Variants in SIN3A observed in about 807,000 individuals in gnomAD.
The protein encoded by SIN3A is SIN3 transcription regulator family member A, also known as paired amphipathic helix protein Sin3a.
SIN3A carries 14 observed loss-of-function variants against 146.1 expected under a neutral mutation model. The observed-to-expected ratio is 0.10, with a 90% CI of 0.06 to 0.15. The LOEUF (loss-of-function observed/expected upper bound fraction) is 0.15. SIN3A is among the 10% of genes least tolerant of loss of function. SIN3A has a pLI of 1.00. For missense variants in SIN3A, 1,028 were observed against 1,576.0 expected (o/e 0.65, Z 5.89); for synonymous variants, 572 against 572.0 (o/e 1.00, Z 0.00).
At chr15:75,430,928 A>T (rs1461653841) in intron 1 of SIN3A, among the ~76,000 whole-genome samples, 1 of 152,028 alleles carries the variant, frequency 6.6e-6, no homozygotes, top group Non-Finnish European at 1.5e-5. Flanking sequence ...GGCACCCGCC[A>T]CCACACCCGG....
intron 1 of SIN3A, among the ~76,000 whole-genome samples, chr15:75,444,308 G>A (rs1217261740): frequency 1.3e-5 from 2 of 152,090 alleles, no homozygotes; most frequent in Non-Finnish European, 2.9e-5. Flanking sequence ...GGGTATGGTG[G>A]TACACACCTG....
At chr15:75,380,963 G>C in intron 18 of SIN3A, 1 of 347,018 alleles carries the variant, frequency 2.9e-6, no homozygotes, top group Non-Finnish European at 5.4e-6. Flanking sequence ...GTCATAAACA[G>C]GTAGAAGCTG....
intron 13 of SIN3A, among the ~76,000 whole-genome samples, chr15:75,395,287 T>C (rs1405160120): frequency 6.6e-6 from 1 of 152,180 alleles, no homozygotes; most frequent in Non-Finnish European, 1.5e-5. Context: ...AAAGTTCTGA[T>C]CAGAACTGAT....
At chr15:75,403,981 G>A (rs1193261564) in intron 9 of SIN3A, among the ~76,000 whole-genome samples, 1 of 152,078 alleles carries the variant, frequency 6.6e-6, no homozygotes, top group Non-Finnish European at 1.5e-5. Flanking sequence ...TTACAATATT[G>A]AGCATCTTAA....
intron 3 of SIN3A, chr15:75,415,854 G>GGA (rs765088910): frequency 5.2e-4 from 50 of 96,260 alleles, no homozygotes; most frequent in Admixed American, 7.9e-4. Context: ...TCGGTCTCAG[G>GGA]AAAAAAAAAA....
chr15:75,454,511 G>C (rs1398979734), upstream of SIN3A, among the ~76,000 whole-genome samples: 4 of 151,224 alleles, frequency 2.6e-5, no homozygotes, highest in East Asian at 7.8e-4. Context: ...TCCCGCCGGC[G>C]CCCCGCCTAC....
rs920266317 is a variant in SIN3A at position 75,378,559 on chromosome 15, C to T, written c.3383+2070G>A. On this transcript the variant is annotated intron_variant, in intron 19 of 20. Transcript: ENST00000394947. ...AGCCTGGGCAACAAGAGCGAAATTC[C>T]GTCTCAAAAAAGAAAAACAAAAACA... Among the ~76,000 whole-genome samples, 3 of 152,010 alleles carry T rather than the reference C, an allele frequency of 2.0e-5. No homozygotes were observed. The East Asian group carries it at 5.8e-4, about 29-fold the overall frequency.
chr15:75,398,430 C>T (rs2073343860), intron 12 of SIN3A, among the ~76,000 whole-genome samples: 1 of 152,160 alleles, frequency 6.6e-6, no homozygotes, highest in Admixed American at 6.5e-5. Context: ...AATCCCAGCA[C>T]TTTGGAAGGC....
chr15:75,402,025 T>C, intron 9 of SIN3A, 55 bp from the exon 10 acceptor site: 1 of 1,122,158 alleles, frequency 8.9e-7, no homozygotes, highest in Non-Finnish European at 1.4e-6. Flanking sequence ...AGTGGGGAAC[T>C]GAAAAGGGCC....
At chr15:75,418,429 G>A (rs950444623) in intron 3 of SIN3A, among the ~76,000 whole-genome samples, 4 of 151,982 alleles carry the variant, frequency 2.6e-5, no homozygotes, top group East Asian at 1.9e-4. Context: ...GAGTTCAAGC[G>A]ATTCTCGTGC....
intron 2 of SIN3A, among the ~76,000 whole-genome samples, chr15:75,424,223 G>A (rs2073887372): frequency 6.6e-6 from 1 of 151,898 alleles, no homozygotes; most frequent in South Asian, 2.1e-4. Flanking sequence ...ACCTGAGGTT[G>A]GGAGTTCTCG....
chr15:75,381,962 TGTCA>T (rs1377240449), intron 17 of SIN3A, among the ~76,000 whole-genome samples: 12 of 152,196 alleles, frequency 7.9e-5, no homozygotes, highest in African/African-American at 2.2e-4. Flanking sequence ...TAATAATCAA[TGTCA>T]GTAAGAATGT....
intron 12 of SIN3A, among the ~76,000 whole-genome samples, chr15:75,397,515 T>C (rs1383141293): frequency 6.6e-6 from 1 of 152,194 alleles, no homozygotes; most frequent in African/African-American, 2.4e-5. Flanking sequence ...AGCAATCCCT[T>C]GGCCTGAATC....
At chr15:75,373,764 AAAAAG>A (rs2072801581) in intron 20 of SIN3A, among the ~76,000 whole-genome samples, 1 of 151,914 alleles carries the variant, frequency 6.6e-6, no homozygotes, top group South Asian at 2.1e-4. Flanking sequence ...TAAAAAAAAA[AAAAAG>A]AAAGAAAAAA....
intron 19 of SIN3A, among the ~76,000 whole-genome samples, chr15:75,377,388 G>T (rs1017242804): frequency 9.2e-5 from 14 of 152,142 alleles, no homozygotes; most frequent in Non-Finnish European, 1.6e-4. Context: ...ACTCTGGGAG[G>T]CTGAGGCAGG....
At chr15:75,395,894 G>T (rs2073293296) in intron 13 of SIN3A, among the ~76,000 whole-genome samples, 1 of 152,146 alleles carries the variant, frequency 6.6e-6, no homozygotes, top group Non-Finnish European at 1.5e-5. Flanking sequence ...GAAAGAGTGA[G>T]ATCTTGTCTC....
intron 7 of SIN3A, 33 bp from the exon 8 acceptor site, chr15:75,410,024 T>C: frequency 1.2e-6 from 2 of 1,610,512 alleles, no homozygotes; most frequent in Non-Finnish European, 8.5e-7. Context: ...ATTAATGCTC[T>C]TATCAAAGCA....
rs1811287210 is a variant in SIN3A, at chr15:75,451,521, C to G, written c.-132G>C. ...GAGAACGGCGCGGGGCACAGGCCCG[C>G]CGAAGCGGACTGCCAGCTACCTCTC... is the stretch of plus-strand genomic sequence containing the variant. On this transcript the variant is annotated 5_prime_UTR_variant, in exon 1 of 21. Transcript: ENST00000394947. 1 of 149,178 alleles carries G rather than the reference C, an allele frequency of 6.7e-6. No individual in the cohort carries two copies. The highest frequency in any genetic ancestry group is 1.5e-5 in the Non-Finnish European group (1 of 67,290). The allele number at this position is 149,178 out of a possible 1,614,324, so 9.2% of individuals were successfully genotyped here.
intron 12 of SIN3A, among the ~76,000 whole-genome samples, chr15:75,399,676 A>C (rs1338143265): frequency 1.3e-5 from 2 of 152,248 alleles, no homozygotes; most frequent in Non-Finnish European, 2.9e-5. Context: ...CACAGATCTT[A>C]AATAATTTAA....
Sources: allele counts gnomAD v4.1 joint callset (sites outside exome capture counted in the v4.1 genomes callset), GRCh38; gene constraint gnomAD v4.1.1; transcripts MANE v1.5; gene names NCBI Gene and HGNC (gene_info 2026-07-23, HGNC 2026-07-21).